SLC4A8: variants seen among roughly 807,000 people sequenced by gnomAD.
SLC4A8 encodes electroneutral sodium bicarbonate exchanger 1.
A neutral mutation model predicts 125.0 loss-of-function variants in SLC4A8; 40 were observed. The observed-to-expected ratio is 0.32, with a 90% CI of 0.25 to 0.42. SLC4A8 has a LOEUF of 0.42. Among genes scored for constraint, SLC4A8 ranks in the 10% least tolerant of loss-of-function variants. SLC4A8 has a pLI of 1.00. For synonymous variants in SLC4A8, 456 were observed against 476.0 expected (o/e 0.96, Z 0.55); for missense variants, 863 against 1,355.1 (o/e 0.64, Z 5.70).
chr12:51,392,281 T>C (rs1430545770), intron 1 of SLC4A8: 2 of 152,146 alleles, frequency 1.3e-5, no homozygotes, highest in Non-Finnish European at 2.9e-5. Context: ...TGAGAACTTA[T>C]TAGAAATTTT....
intron 2 of SLC4A8, among the ~76,000 whole-genome samples, chr12:51,442,573 A>G (rs1210232347): frequency 2.0e-5 from 3 of 152,204 alleles, no homozygotes; most frequent in African/African-American, 4.8e-5. Flanking sequence ...CTACTTTGCT[A>G]AAAAAGAATG....
chr12:51,458,726 T>TCTGG, intron 7 of SLC4A8, 76 bp downstream of exon 7: 1 of 1,059,468 alleles, frequency 9.4e-7, no homozygotes, highest in Non-Finnish European at 1.5e-6. Flanking sequence ...ATTGCTGGAA[T>TCTGG]CTGGGTAAGG....
Position 51,502,278 on chromosome 12 carries a change from A to T in SLC4A8, c.3082-1751A>T, listed in dbSNP as rs1365268025. The T allele has an allele frequency of 2.6e-5, 4 of 151,174 alleles. No individual in the cohort carries two copies. The East Asian group carries it at 7.8e-4, about 29-fold the overall frequency. The allele number at this position is 151,174 out of a possible 1,614,324, so 9.4% of individuals were successfully genotyped here. On this transcript the variant is annotated intron_variant, in intron 22 of 24. Coordinates refer to ENST00000453097, the MANE Select transcript of SLC4A8 (RefSeq NM_001039960.3). ...TGAGACAGAGTCTTGCTCTGTCGCC[A>T]AGGCTGGAGGGCAATGGCATGATTT...
intron 1 of SLC4A8, chr12:51,393,003 CT>C (rs1948179890): frequency 6.6e-6 from 1 of 152,066 alleles, no homozygotes; most frequent in African/African-American, 2.4e-5. Flanking sequence ...TGTTTTCTTC[CT>C]CTTTCTGCTG....
chr12:51,444,900 ATAAT>A (rs945773947), intron 2 of SLC4A8, among the ~76,000 whole-genome samples: 5 of 152,240 alleles, frequency 3.3e-5, no homozygotes, highest in African/African-American at 1.2e-4. Context: ...TTAAAATTAA[ATAAT>A]ACTAGCAGTA....
intron 20 of SLC4A8, chr12:51,494,387 A>C (rs1226744835): frequency 6.6e-6 from 1 of 151,290 alleles, no homozygotes; most frequent in Non-Finnish European, 1.5e-5. Flanking sequence ...GTTTGAATGG[A>C]ATGTCCTATG....
intron 16 of SLC4A8, among the ~76,000 whole-genome samples, chr12:51,483,364 AAAG>A (rs1273636773): frequency 3.3e-5 from 5 of 151,304 alleles, no homozygotes; most frequent in Non-Finnish European, 7.4e-5. Flanking sequence ...CAAAAAAAAA[AAAG>A]AAAGAAAAAG....
intron 1 of SLC4A8, among the ~76,000 whole-genome samples, chr12:51,411,945 C>G (rs1018687497): frequency 3.9e-5 from 6 of 152,054 alleles, no homozygotes; most frequent in African/African-American, 1.4e-4. Flanking sequence ...GCCTGTGGTT[C>G]CAGCTACTCG....
chr12:51,495,459 C>A (rs1951435150), intron 21 of SLC4A8, among the ~76,000 whole-genome samples: 1 of 132,310 alleles, frequency 7.6e-6, no homozygotes. Context: ...TCTTTTCTTT[C>A]TTTCTTTCTT....
At chr12:51,501,619 G>A (rs1937889686) in intron 22 of SLC4A8, among the ~76,000 whole-genome samples, 1 of 152,188 alleles carries the variant, frequency 6.6e-6, no homozygotes, top group African/African-American at 2.4e-5. Flanking sequence ...ATAAATATAT[G>A]AGTGCAGATG....
At chr12:51,451,110 C>T in intron 3 of SLC4A8, 88 bp downstream of exon 3, 1 of 1,108,038 alleles carries the variant, frequency 9.0e-7, no homozygotes, top group Non-Finnish European at 1.2e-6. Flanking sequence ...AGCAGCTGGT[C>T]TTGATTCTTG....
At chr12:51,462,617 G>A (rs902467944) in intron 10 of SLC4A8, 161 bp downstream of exon 10, 1 of 546,930 alleles carries the variant, frequency 1.8e-6, no homozygotes, top group Non-Finnish European at 2.9e-6. Context: ...TCTGGGCTGG[G>A]TGTGGTGGCT....
In SLC4A8 at chr12:51,462,295, T is replaced by C; in HGVS notation, c.1102-15T>C. On this transcript the variant is annotated splice_polypyrimidine_tract_variant and intron_variant, in intron 9 of 24. Transcript: ENST00000453097. ...GTTACTTTTAACTTTCCTGAGGGTTTTCTCTTCTCTGTAGATTTTTCATGA... is the reference window on the plus strand; with the variant it reads ...GTTACTTTTAACTTTCCTGAGGGTTCTCTCTTCTCTGTAGATTTTTCATGA... 1 of 1,613,352 alleles carries C rather than the reference T, an allele frequency of 6.2e-7. No homozygotes were observed. The highest frequency in any genetic ancestry group is 8.5e-7 in the Non-Finnish European group (1 of 1,179,308).
At chr12:51,399,701 G>T (rs1948333539) in intron 1 of SLC4A8, among the ~76,000 whole-genome samples, 1 of 152,126 alleles carries the variant, frequency 6.6e-6, no homozygotes, top group East Asian at 1.9e-4. Context: ...AAAACATGTT[G>T]GGCCAGGCGT....
rs759459370 is a variant in SLC4A8, at chr12:51,440,689, C to T, written c.49-19C>T. On this transcript the variant is annotated intron_variant, in intron 1 of 24. Coordinates refer to ENST00000453097, the MANE Select transcript of SLC4A8 (RefSeq NM_001039960.3). ...CGAGGTATGTGTATTACTGTGACTA[C>T]TTATTTGTGTTTAAACAGAGACCAG... 1.9e-6 allele frequency: 3 copies of T among 1,601,810 alleles called. No homozygotes were observed. The highest frequency in any genetic ancestry group is 1.7e-5 in the Admixed American group (1 of 58,836).
intron 1 of SLC4A8, among the ~76,000 whole-genome samples, chr12:51,400,326 C>T (rs760984671): frequency 5.3e-5 from 8 of 152,284 alleles, no homozygotes; most frequent in South Asian, 2.1e-4. Flanking sequence ...TACAGAAACT[C>T]TTTGAAGAGC....
At chr12:51,408,619 A>G (rs892191061) in intron 1 of SLC4A8, among the ~76,000 whole-genome samples, 6 of 152,316 alleles carry the variant, frequency 3.9e-5, no homozygotes, top group African/African-American at 1.4e-4. Context: ...GGTGCTGCTC[A>G]GGGGCGACAG....
intron 22 of SLC4A8, chr12:51,497,423 T>G: frequency 3.9e-6 from 1 of 257,040 alleles, no homozygotes; most frequent in Non-Finnish European, 7.4e-6. Flanking sequence ...CTCACATTCT[T>G]TCAAAAGGTC....
At chr12:51,435,374 A>C (rs932771557) in intron 1 of SLC4A8, among the ~76,000 whole-genome samples, 4 of 152,312 alleles carry the variant, frequency 2.6e-5, no homozygotes, top group Admixed American at 6.5e-5. Context: ...TATCTAGGAA[A>C]GCCCAGATAA....
Sources: gnomAD v4.1 joint callset for allele counts (sites outside exome capture counted in the v4.1 genomes callset) on GRCh38, gnomAD v4.1.1 for gene constraint, MANE v1.5 for transcripts, NCBI Gene and HGNC (gene_info 2026-07-23, HGNC 2026-07-21) for gene names.